Variants in ARSG observed in about 807,000 individuals in gnomAD.
ARSG encodes the protein ASG.
A neutral mutation model predicts 50.5 loss-of-function variants in ARSG; 37 were observed. The ratio of observed to expected loss-of-function variants is 0.73; its 90% CI spans 0.56 to 0.96. The LOEUF (loss-of-function observed/expected upper bound fraction) is 0.96. Among genes scored for constraint, ARSG ranks in the 50% least tolerant of loss-of-function variants. ARSG has a pLI of 0.00. For missense variants in ARSG, 629 were observed against 675.3 expected, an observed-to-expected ratio of 0.93 and a Z score of 0.76; for synonymous variants, 225 against 254.6, an observed-to-expected ratio of 0.88 and a Z score of 1.11.
intron 8 of ARSG, among the ~76,000 whole-genome samples, chr17:68,383,108 A>G (rs1034209105): frequency 1.3e-4 from 20 of 152,184 alleles, no homozygotes; most frequent in African/African-American, 4.6e-4. Flanking sequence ...AGACAAGCAC[A>G]TTGAAACGTT....
At chr17:68,285,356 T>C (rs969760907) in intron 1 of ARSG, among the ~76,000 whole-genome samples, 18 of 152,292 alleles carry the variant, frequency 1.2e-4, no homozygotes, top group African/African-American at 3.8e-4. Flanking sequence ...GGCACGATCA[T>C]AGCTCACTGC....
rs150832014 is a variant in ARSG, at chr17:68,343,781, T to A, written c.396T>A (p.Thr132=). The A allele has an allele frequency of 3.5e-5, 57 of 1,612,588 alleles. No homozygotes were observed. The African/African-American group carries it at 7.3e-4, about 21-fold the overall frequency. ...AEVLQQAGYV[T]GIIGKWHLGH... The stretch of plus-strand genomic sequence containing the variant: ...TGCTGCAGCAGGCGGGTTACGTCAC[T>A]GGGATAATAGGTAACTCTGGGCCCC... The change falls in exon 3 of 12, where the codon ACT becomes ACA. Residue 132 remains threonine (T), a synonymous_variant. Transcript: ENST00000621439.
chr17:68,259,747 TCTTA>T (rs2075044106), intron 1 of ARSG, among the ~76,000 whole-genome samples: 1 of 152,224 alleles, frequency 6.6e-6, no homozygotes, highest in Non-Finnish European at 1.5e-5. Context: ...TTGCAGTACA[TCTTA>T]CTTCCAACTG....
chr17:68,417,311 C>G (rs538669611), intron 11 of ARSG, among the ~76,000 whole-genome samples: 3 of 152,242 alleles, frequency 2.0e-5, no homozygotes, highest in African/African-American at 7.2e-5. Context: ...TGAGGGCAGG[C>G]CTTGTTAAGA....
chr17:68,411,020 CTTTA>C (rs2081974051), intron 11 of ARSG, among the ~76,000 whole-genome samples: 1 of 151,510 alleles, frequency 6.6e-6, no homozygotes, highest in Non-Finnish European at 1.5e-5. Context: ...CTCTTTTTTT[CTTTA>C]TTTGTCTTGC....
intron 5 of ARSG, among the ~76,000 whole-genome samples, chr17:68,354,770 G>T (rs1030460157): frequency 6.6e-6 from 1 of 151,966 alleles, no homozygotes; most frequent in Non-Finnish European, 1.5e-5. Flanking sequence ...TATAGTCTCA[G>T]CTGCTCAGGG....
At chr17:68,418,687 A>T (rs1208774948) in intron 11 of ARSG, among the ~76,000 whole-genome samples, 1 of 152,156 alleles carries the variant, frequency 6.6e-6, no homozygotes, top group Admixed American at 6.5e-5. Context: ...AGGATGTGAT[A>T]AGAAGTCGTC....
At chr17:68,352,126 G>C (rs1303942216) in intron 5 of ARSG, among the ~76,000 whole-genome samples, 7 of 132,320 alleles carry the variant, frequency 5.3e-5, no homozygotes, top group African/African-American at 2.1e-4. Context: ...AGAGGAGAGA[G>C]AGAGAGAGAG....
At chr17:68,445,723 G>C in the ARSG span, among the ~76,000 whole-genome samples, 1 of 152,220 alleles carries the variant, frequency 6.6e-6, no homozygotes, top group South Asian at 2.1e-4. Flanking sequence ...ATAACGCATA[G>C]CCCAGTACAA....
intron 2 of ARSG, among the ~76,000 whole-genome samples, chr17:68,321,811 TA>T (rs1186476176): frequency 6.6e-6 from 1 of 152,246 alleles, no homozygotes; most frequent in African/African-American, 2.4e-5. Flanking sequence ...AGCTTTGCTT[TA>T]CAATGTATTT....
At chr17:68,430,096 A>C in the ARSG span, 2 of 1,614,142 alleles carry the variant, frequency 1.2e-6, no homozygotes, top group Non-Finnish European at 1.7e-6. Context: ...GTAGGGAGGT[A>C]GTTGGTAGCA....
chr17:68,345,965 T>C (rs2078483887), intron 3 of ARSG, among the ~76,000 whole-genome samples: 1 of 152,112 alleles, frequency 6.6e-6, no homozygotes, highest in African/African-American at 2.4e-5. Flanking sequence ...AACCCCCACC[T>C]CCCGGGTTCA....
intron 2 of ARSG, among the ~76,000 whole-genome samples, chr17:68,314,697 T>A (rs1284591188): frequency 1.3e-5 from 2 of 152,012 alleles, no homozygotes; most frequent in Non-Finnish European, 2.9e-5. Flanking sequence ...ACAGAGTGTC[T>A]CATAAAAAAA....
intron 6 of ARSG, among the ~76,000 whole-genome samples, chr17:68,360,973 C>T (rs1264585981): frequency 3.9e-5 from 6 of 152,022 alleles, no homozygotes; most frequent in African/African-American, 4.8e-5. Flanking sequence ...TACAGGCGCC[C>T]GCCACCACAC....
intron 2 of ARSG, among the ~76,000 whole-genome samples, chr17:68,340,784 A>G (rs2078234480): frequency 6.6e-6 from 1 of 152,172 alleles, no homozygotes; most frequent in Non-Finnish European, 1.5e-5. Flanking sequence ...TTTAAAACAA[A>G]GATAGAGGTG....
intron 5 of ARSG, among the ~76,000 whole-genome samples, chr17:68,352,800 G>A (rs1033157313): frequency 2.2e-4 from 34 of 151,968 alleles, no homozygotes; most frequent in Non-Finnish European, 3.2e-4. Context: ...GTGAGTCACC[G>A]CACCCAGCGG....
intron 9 of ARSG, among the ~76,000 whole-genome samples, chr17:68,392,587 C>T (rs188016889): frequency 6.6e-6 from 1 of 152,322 alleles, no homozygotes; most frequent in African/African-American, 2.4e-5. Context: ...GCAACCTCCA[C>T]CTCCCAGGTT....
Position 68,271,343 on chromosome 17 carries a change from T to C in ARSG, c.-552+11917T>C. The stretch of plus-strand genomic sequence containing the variant: ...GCTTTCTTTTCGCTTGGCCTGGGGC[T>C]GGTCTTCACCAGGACCTGCTGCATG... On this transcript the variant is annotated intron_variant, in intron 1 of 11. Transcript: ENST00000448504. The surrounding 1 kb of genome is among the most constrained non-coding windows in gnomAD (Gnocchi z 5.3). 1 of 1,614,258 alleles carries C rather than the reference T, an allele frequency of 6.2e-7. No individual in the cohort carries two copies. The highest frequency in any genetic ancestry group is 1.1e-5 in the South Asian group (1 of 91,090).
At chr17:68,272,573 G>A (rs1421538438) in intron 1 of ARSG, 31 of 1,574,882 alleles carry the variant, frequency 2.0e-5, no homozygotes, top group East Asian at 2.3e-5. Context: ...AAAAGTTAGC[G>A]TAGCAAGAAT....
Sources: allele counts gnomAD v4.1 joint callset (sites outside exome capture counted in the v4.1 genomes callset), GRCh38; gene constraint gnomAD v4.1.1; non-coding constraint Gnocchi (gnomAD v3.1); transcripts MANE v1.5; gene names NCBI Gene and HGNC (gene_info 2026-07-23, HGNC 2026-07-21).